The following GNG2 variants were observed in gnomAD, a reference collection of about 807,000 sequenced individuals.
The protein encoded by GNG2 is G protein subunit gamma 2, also known as guanine nucleotide-binding protein G(I)/G(S)/G(O) subunit gamma-2.
Under a neutral mutation model 5.5 loss-of-function variants are expected in GNG2, and 5 were observed. That is an observed-to-expected ratio of 0.91 (90% CI 0.48 to 1.92). GNG2 has a LOEUF of 1.92. Ranked by LOEUF, GNG2 falls within the 30% of genes most tolerant of loss-of-function variation. The pLI is 0.01. For missense variants in GNG2, 55 were observed against 88.4 expected, an observed-to-expected ratio of 0.62 and a Z score of 1.52; for synonymous variants, 28 against 32.0, an observed-to-expected ratio of 0.88 and a Z score of 0.42.
At chr14:51,910,089 C>G (rs145217417) in intron 2 of GNG2, among the ~76,000 whole-genome samples, 127 of 152,266 alleles carry the variant, frequency 8.3e-4, no homozygotes, top group African/African-American at 3.0e-3. Context: ...AAGACAGGCA[C>G]CAACATGGAG....
intron 3 of GNG2, among the ~76,000 whole-genome samples, chr14:51,966,291 G>A (rs1474917606): frequency 6.7e-6 from 1 of 149,244 alleles, no homozygotes; most frequent in Non-Finnish European, 1.5e-5. Flanking sequence ...GTTGACACCT[G>A]CATGCCCCTG....
chr14:51,943,411 A>C (rs540189903), intron 2 of GNG2, among the ~76,000 whole-genome samples: 2 of 152,234 alleles, frequency 1.3e-5, no homozygotes, highest in Non-Finnish European at 2.9e-5. Flanking sequence ...GGTTACATGT[A>C]AAATGAAAAA....
chr14:51,830,868 G>A (rs1320805695), intron 2 of GNG2, among the ~76,000 whole-genome samples: 1 of 152,168 alleles, frequency 6.6e-6, no homozygotes, highest in East Asian at 1.9e-4. Flanking sequence ...TCCTCCAAAA[G>A]TTGTCCATTT....
intron 1 of GNG2, among the ~76,000 whole-genome samples, chr14:51,863,998 G>T (rs945749970): frequency 6.6e-6 from 1 of 152,092 alleles, no homozygotes; most frequent in African/African-American, 2.4e-5. Flanking sequence ...ATCTGTTAGA[G>T]TCCCTGCTTT....
Position 51,966,711 on chromosome 14 carries a change from C to G in GNG2, c.*24C>G, listed in dbSNP as rs370266185. 18 of 1,606,738 alleles carry G rather than the reference C, an allele frequency of 1.1e-5. No individual in the cohort carries two copies. In the African/African-American group the frequency reaches 1.5e-4, roughly 13 times the overall value. On this transcript the variant is annotated 3_prime_UTR_variant, in exon 4 of 4. Coordinates refer to ENST00000556766, the MANE Select transcript of GNG2 (RefSeq NM_053064.5). ...AAGTCTTTGAGAGGGGCCTGAAGAGCCTCCGGGCTCCTGGGACATTGATGT... is the reference window on the plus strand; with the variant it reads ...AAGTCTTTGAGAGGGGCCTGAAGAGGCTCCGGGCTCCTGGGACATTGATGT...
chr14:51,951,906 T>G (rs771909483), intron 3 of GNG2: 1 of 702,140 alleles, frequency 1.4e-6, no homozygotes, highest in South Asian at 1.5e-5. Context: ...TGACCCCTGG[T>G]CTACAGCGAT....
intron 2 of GNG2, among the ~76,000 whole-genome samples, chr14:51,853,227 C>T (rs1391113355): frequency 3.3e-5 from 5 of 152,110 alleles, no homozygotes; most frequent in Non-Finnish European, 5.9e-5. Context: ...ACTGAGTGCA[C>T]GCAATGTACA....
At chr14:51,838,202 G>T (rs765834194) in intron 2 of GNG2, among the ~76,000 whole-genome samples, 1 of 152,164 alleles carries the variant, frequency 6.6e-6, no homozygotes, top group East Asian at 1.9e-4. Context: ...CCAGCACTTT[G>T]GGAGGCTGAG....
At chr14:51,840,416 C>T (rs1168344461) in intron 2 of GNG2, among the ~76,000 whole-genome samples, 4 of 152,326 alleles carry the variant, frequency 2.6e-5, no homozygotes, top group South Asian at 4.1e-4. Context: ...TTGTCTTCCT[C>T]CCTCTTTATT....
chr14:51,871,944 G>A (rs1281039023), intron 1 of GNG2, among the ~76,000 whole-genome samples: 1 of 152,178 alleles, frequency 6.6e-6, no homozygotes, highest in Non-Finnish European at 1.5e-5. Flanking sequence ...GTTAGGTGTG[G>A]CCACATGCCT....
intron 2 of GNG2, among the ~76,000 whole-genome samples, chr14:51,829,125 C>T (rs8011543): frequency 0.066 from 10,044 of 152,242 alleles, 733 homozygotes; most frequent in East Asian, 0.29. Flanking sequence ...CAGCAAGGCA[C>T]ATGCTGGCCA....
At chr14:51,902,398 G>T (rs1885625679) in intron 2 of GNG2, among the ~76,000 whole-genome samples, 1 of 152,218 alleles carries the variant, frequency 6.6e-6, no homozygotes, top group South Asian at 2.1e-4. Context: ...AAGACAGGTG[G>T]AGGAGAGGTT....
intron 2 of GNG2, among the ~76,000 whole-genome samples, chr14:51,837,821 G>T (rs1340934004): frequency 6.6e-6 from 1 of 152,128 alleles, no homozygotes; most frequent in Non-Finnish European, 1.5e-5. Flanking sequence ...TACAAAATTG[G>T]TTCATGTCCA....
chr14:51,907,176 C>G (rs896441057), intron 2 of GNG2, among the ~76,000 whole-genome samples: 1 of 152,206 alleles, frequency 6.6e-6, no homozygotes, highest in Admixed American at 6.5e-5. Context: ...TTGGACCGAG[C>G]TAGCAATGAA....
chr14:51,874,827 A>G (rs542633486), intron 1 of GNG2, among the ~76,000 whole-genome samples: 61 of 152,314 alleles, frequency 4.0e-4, no homozygotes, highest in African/African-American at 1.4e-3. Flanking sequence ...TCAGATTTTA[A>G]AGCAGAACTT....
chr14:51,929,777 G>C (rs1379622601), intron 2 of GNG2, among the ~76,000 whole-genome samples: 1 of 152,166 alleles, frequency 6.6e-6, no homozygotes, highest in African/African-American at 2.4e-5. Flanking sequence ...GAACACACAA[G>C]GACAATATGA....
chr14:51,916,786 G>C (rs1484372857), intron 2 of GNG2, among the ~76,000 whole-genome samples: 1 of 152,214 alleles, frequency 6.6e-6, no homozygotes, highest in Non-Finnish European at 1.5e-5. Flanking sequence ...CCATTTGCCA[G>C]CTTTGAAGCA....
chr14:51,943,839 A>T (rs1888490992), intron 2 of GNG2, among the ~76,000 whole-genome samples: 1 of 152,238 alleles, frequency 6.6e-6, no homozygotes, highest in Non-Finnish European at 1.5e-5. Context: ...GGATTAGAAG[A>T]CAATAGTGTT....
At chr14:51,923,337 T>C (rs185122242) in intron 2 of GNG2, among the ~76,000 whole-genome samples, 1 of 152,094 alleles carries the variant, frequency 6.6e-6, no homozygotes, top group Non-Finnish European at 1.5e-5. Flanking sequence ...AGTTTGAGAT[T>C]TGGATTTGAA....
Sources: allele counts gnomAD v4.1 joint callset (sites outside exome capture counted in the v4.1 genomes callset), GRCh38; gene constraint gnomAD v4.1.1; transcripts MANE v1.5; gene names NCBI Gene and HGNC (gene_info 2026-07-23, HGNC 2026-07-21).